The following PLEC variants were observed in gnomAD, a reference collection of about 807,000 sequenced individuals.
PLEC encodes the protein hemidesmosomal protein 1.
A neutral mutation model predicts 392.8 loss-of-function variants in PLEC; 216 were observed. That is an observed-to-expected ratio of 0.55 (90% confidence interval 0.49 to 0.62). The LOEUF (loss-of-function observed/expected upper bound fraction) is 0.62. Among genes scored for constraint, PLEC ranks in the 20% least tolerant of loss-of-function variants. The pLI, the probability that PLEC is intolerant of heterozygous loss-of-function variation, is 0.00. For synonymous variants in PLEC, 3,621 were observed against 2,980.6 expected (o/e 1.21, Z -7.00); for missense variants, 6,863 against 6,563.4 (o/e 1.05, Z -1.58).
chr8:143,922,831 C>T lies in PLEC; in HGVS notation c.7098G>A (p.Arg2366=). 1 of 1,582,648 alleles carries T rather than the reference C, an allele frequency of 6.3e-7. No individual in the cohort carries two copies. Among genetic ancestry groups the T allele is most frequent in the East Asian group, 2.3e-5 (1 of 42,944 alleles). ...GCCGCTGCCGCTCGGCCTCCAGCGT[C>T]CGCTGGAAGCCCTGCGTCTCCTCCG... ...QLAEETQGFQ[R]TLEAERQRQL... Residue 2366 remains arginine, a synonymous_variant, in exon 31 of 32, where the codon CGG becomes CGA. Coordinates refer to ENST00000345136, the MANE Select transcript of PLEC (RefSeq NM_201384.3).
chr8:143,950,466 G>A, exon 1 of PLEC: 2 of 1,606,512 alleles, frequency 1.2e-6, no homozygotes, highest in South Asian at 1.1e-5. Flanking sequence ...TGGCGGAGGT[G>A]GGCGATGCCT....
At position 143,927,949 on chromosome 8, in the gene PLEC, C is replaced by T. The variant is rs782023030; in HGVS notation, c.3304G>A (p.Glu1102Lys). The T allele has an allele frequency of 2.1e-5, 33 of 1,601,212 alleles. No homozygotes were observed. Among genetic ancestry groups the T allele is most frequent in the East Asian group, 4.5e-5 (2 of 44,416 alleles). Residue 1102 changes from glutamate to lysine, a missense_variant, in exon 26 of 32, where the codon GAG becomes AAG. By Grantham distance (56) the Glu-to-Lys change is moderately conservative. Transcript: ENST00000345136. ...TCCTCGTGGGCCCTGAGCACCTCCT[C>T]GGCCCCCTGCGTGCCGCGGATCACC... ...SLVIRGTQGA[E>K]EVLRAHEEQL...
rs1833328130 is a variant in PLEC, at chr8:143,969,870, G to C, written c.70+3533C>G. 6.6e-6 allele frequency among the ~76,000 whole-genome samples: 1 copy of C among 151,636 alleles called. No homozygotes were observed. The highest frequency in any genetic ancestry group is 2.4e-5 in the African/African-American group (1 of 41,258). On this transcript the variant is annotated intron_variant, in intron 1 of 31. Transcript: ENST00000356346. The surrounding 1 kb of genome is among the most constrained non-coding windows in gnomAD (Gnocchi z 5.1). ...TGAGGCCGGGGTGAGTACCGTTGGT[G>C]AGTGGGTGGCGTTGGTGTGGGGCAG...
rs563493425 is a variant in PLEC at position 143,921,186 on chromosome 8, G to A, written c.8635C>T (p.Leu2879=). The change falls in exon 32 of 32, where the codon CTG becomes TTG. Residue 2879 remains leucine (L), a synonymous_variant. Coordinates refer to ENST00000345136, the MANE Select transcript of PLEC (RefSeq NM_201384.3). ...TTATCCGTGAGTGGCAGAAGGCACA[G>A]GCCCGTCTCGGGGTCCTCCACGCAG... ...ERCVEDPETG[L]CLLPLTDKAA... The A allele has an allele frequency of 3.7e-6, 6 of 1,613,994 alleles. No individual in the cohort carries two copies. In the South Asian group the frequency reaches 5.5e-5, roughly 15 times the overall value.
Position 143,918,984 on chromosome 8 carries a change from C to T in PLEC, c.10837G>A (p.Val3613Met). 1 of 1,611,090 alleles carries T rather than the reference C, an allele frequency of 6.2e-7. No homozygotes were observed. Among genetic ancestry groups the T allele is most frequent in the Non-Finnish European group, 8.5e-7 (1 of 1,180,018 alleles). ...ATGATGATCATGCGTTCCTTGGTCA[C>T]CCGGCCGGCCTGGAAGTCAGCCATC... Reference protein sequence around the residue: ...QLMADFQAGRVTKERMIIIII... With the variant: ...QLMADFQAGRMTKERMIIIII... Residue 3613 changes from valine (V) to methionine (M), a missense_variant, in exon 32 of 32, where the codon GTG becomes ATG. By Grantham distance (21) the Val-to-Met change is conservative. Coordinates refer to ENST00000345136, the MANE Select transcript of PLEC (RefSeq NM_201384.3).
Position 143,920,686 on chromosome 8 carries a change from C to A in PLEC, c.9135G>T (p.Lys3045Asn), listed in dbSNP as rs1563978244. The A allele has an allele frequency of 3.1e-6, 5 of 1,603,030 alleles. No individual in the cohort carries two copies. The highest frequency in any genetic ancestry group is 4.2e-6 in the Non-Finnish European group (5 of 1,179,890). ...GQKLSIYNAL[K>N]KDLLPSDMAV... ...CCATGTCGGATGGCAGCAGGTCTTT[C>A]TTCAGGGCATTGTAGATACTCAGCT... The change falls in exon 32 of 32, where the codon AAG becomes AAT. Residue 3045 changes from lysine to asparagine, a missense_variant. Physicochemically the swap from Lys to Asn is moderately conservative, Grantham distance 94. Transcript: ENST00000345136.
At position 143,935,920 on chromosome 8, in the gene PLEC, C is replaced by G. The variant is rs782295798; in HGVS notation, c.530G>C (p.Gly177Ala). The change falls in exon 6 of 32, where the codon GGC becomes GCC. Residue 177 changes from glycine (G) to alanine (A), a missense_variant. Gly to Ala is a moderately conservative substitution (Grantham distance 60). Transcript: ENST00000345136. ...WSQRMVEGYQ[G>A]LRCDNFTSSW... is the part of the protein sequence containing the mutation. ...GGAGGTGAAGTTGTCGCATCGCAGG[C>G]CCTGGTACCCCTCCACCATTCGCTG... The G allele has an allele frequency of 3.1e-6, 5 of 1,612,986 alleles. No individual in the cohort carries two copies. The highest frequency in any genetic ancestry group is 2.2e-5 in the South Asian group (2 of 91,084).
intron 1 of PLEC, chr8:143,945,296 T>G (rs540064070): frequency 2.0e-5 from 9 of 443,732 alleles, no homozygotes; most frequent in Middle Eastern, 3.4e-4. Flanking sequence ...CCCAGGGATC[T>G]GGGATGGAGA....
At chr8:143,926,165 G>A (rs892258646) in intron 30 of PLEC, among the ~76,000 whole-genome samples, 2 of 152,240 alleles carry the variant, frequency 1.3e-5, no homozygotes, top group Non-Finnish European at 2.9e-5. Context: ...GGGAGAGAGA[G>A]AGCAAAGCAG....
upstream of PLEC, chr8:143,944,524 G>A (rs1458120310): frequency 5.9e-5 from 31 of 522,628 alleles, no homozygotes; most frequent in Non-Finnish European, 6.1e-5. Flanking sequence ...GAGGGCACAT[G>A]AGGCAGGCTG....
At chr8:143,950,728 A>G in exon 1 of PLEC, 5 of 1,549,062 alleles carry the variant, frequency 3.2e-6, no homozygotes, top group Non-Finnish European at 4.3e-6. Flanking sequence ...CCGGGCAGTC[A>G]GTGCGGGGGC....
rs782394793 is a variant in PLEC, at chr8:143,923,554, T to G, written c.6375A>C (p.Ala2125=). 3 of 1,597,100 alleles carry G rather than the reference T, an allele frequency of 1.9e-6. No individual in the cohort carries two copies. Among genetic ancestry groups the G allele is most frequent in the Non-Finnish European group, 2.5e-6 (3 of 1,177,912 alleles). ...CCGCCTGTGCCTGAGCCCGGGCCTGTGCCTGCTCCTCTGCCGACTGCTTCA... is the reference window on the plus strand; with the variant it reads ...CCGCCTGTGCCTGAGCCCGGGCCTGGGCCTGCTCCTCTGCCGACTGCTTCA... ...ERLKQSAEEQ[A]QARAQAQAAA... The change falls in exon 31 of 32, where the codon GCA becomes GCC. Residue 2125 remains alanine, a synonymous_variant. Transcript: ENST00000345136.
intron 12 of PLEC, among the ~76,000 whole-genome samples, chr8:143,933,617 A>G (rs1218337264): frequency 6.6e-6 from 1 of 152,082 alleles, no homozygotes; most frequent in Non-Finnish European, 1.5e-5. Flanking sequence ...CTCATCCTCC[A>G]TCACCCACCC....
At chr8:143,944,032 T>TACGCGGCGGCAGCCCCAC, upstream of PLEC, 3 of 1,314,324 alleles carry the variant, frequency 2.3e-6, no homozygotes, top group Non-Finnish European at 3.1e-6. Flanking sequence ...GACCGCCCCA[T>TACGCGGCGGCAGCCCCAC]ACGCGGCGGC....
chr8:143,950,203 C>A, exon 1 of PLEC: 1 of 1,536,212 alleles, frequency 6.5e-7, no homozygotes, highest in Non-Finnish European at 8.8e-7. Flanking sequence ...GGGCAGGCTC[C>A]GGGCCTGGCC....
In PLEC at chr8:143,921,581, C is replaced by A; in HGVS notation, c.8240G>T (p.Arg2747Leu). The A allele has an allele frequency of 3.1e-6, 5 of 1,612,298 alleles. No homozygotes were observed. The highest frequency in any genetic ancestry group is 4.2e-6 in the Non-Finnish European group (5 of 1,179,416). Residue 2747 changes from arginine to leucine, a missense_variant, in exon 32 of 32, where the codon CGG (arginine) becomes CTG (leucine). By Grantham distance (102) the Arg-to-Leu change is moderately radical. Coordinates refer to ENST00000345136, the MANE Select transcript of PLEC (RefSeq NM_201384.3). ...GFLLDPVRNR[R>L]LTVNEAVKEG... is the part of the protein sequence containing the mutation. The stretch of plus-strand genomic sequence containing the variant: ...CTTCACAGCCTCGTTGACGGTCAGC[C>A]GCCGGTTCCGCACAGGGTCCAGCAG...
intron 1 of PLEC, among the ~76,000 whole-genome samples, chr8:143,964,702 T>C (rs1006339611): frequency 5.4e-4 from 82 of 152,320 alleles, no homozygotes; most frequent in Middle Eastern, 3.4e-3. Context: ...TGGGGGTATC[T>C]GTATTCTGTA....
upstream of PLEC, chr8:143,942,411 G>A: frequency 6.2e-7 from 1 of 1,607,128 alleles, no homozygotes; most frequent in Non-Finnish European, 8.5e-7. Context: ...ACAGCTGCTG[G>A]TAGAGGTAGC....
In PLEC at chr8:143,927,059, G is replaced by A. The variant is rs372055596; in HGVS notation, c.3863C>T (p.Thr1288Met). 217 of 1,611,340 alleles carry A rather than the reference G, an allele frequency of 1.3e-4. No individual in the cohort carries two copies. The highest frequency in any genetic ancestry group is 1.6e-4 in the Non-Finnish European group (192 of 1,179,900). The change falls in exon 29 of 32, where the codon ACG (threonine) becomes ATG (methionine). Residue 1288 changes from threonine to methionine, a missense_variant. Transcript: ENST00000345136. ...AIKDYELQLVTYKAQLEPVAS... is the reference protein window; with the variant it reads ...AIKDYELQLVMYKAQLEPVAS... The stretch of plus-strand genomic sequence containing the variant: ...CACCGGCTCAAGCTGCGCCTTGTAC[G>A]TCACCAGCTGGAGTTCATAGTCCTG...
Sources: allele counts gnomAD v4.1 joint callset (sites outside exome capture counted in the v4.1 genomes callset), GRCh38; gene constraint gnomAD v4.1.1; non-coding constraint Gnocchi (gnomAD v3.1); transcripts MANE v1.5; gene names NCBI Gene and HGNC (gene_info 2026-07-23, HGNC 2026-07-21).